The following ERBIN variants were observed in gnomAD, a reference collection of about 807,000 sequenced individuals.
The protein encoded by ERBIN is erbb2 interacting protein, also known as densin-180-like protein.
A neutral mutation model predicts 158.4 loss-of-function variants in ERBIN; 60 were observed. That is an observed-to-expected ratio of 0.38 (90% CI 0.31 to 0.47). ERBIN has a LOEUF of 0.47. Ranked by LOEUF, ERBIN falls within the 20% of genes least tolerant of loss-of-function variation. The pLI is 0.99. For synonymous variants in ERBIN, 594 were observed against 557.2 expected (o/e 1.07, Z -0.93); for missense variants, 1,610 against 1,648.0 (o/e 0.98, Z 0.40).
chr5:65,998,698 A>C (rs75689705), intron 4 of ERBIN, among the ~76,000 whole-genome samples: 6,077 of 151,908 alleles, frequency 0.04, 408 homozygotes, highest in African/African-American at 0.14. Context: ...GGAGTTTGAG[A>C]TCAGCCTGGG....
chr5:65,943,954 A>G (rs1416184245), intron 1 of ERBIN, among the ~76,000 whole-genome samples: 1 of 152,210 alleles, frequency 6.6e-6, no homozygotes, highest in Non-Finnish European at 1.5e-5. Context: ...CTCAAGGTTC[A>G]TCTGTGTTTC....
intron 21 of ERBIN, among the ~76,000 whole-genome samples, chr5:66,063,957 CTCT>C (rs1316163153): frequency 2.0e-5 from 3 of 152,104 alleles, no homozygotes; most frequent in African/African-American, 4.8e-5. Context: ...TATTAATCAT[CTCT>C]TCTTCAGAAA....
At chr5:66,048,464 G>GATA (rs1317493114) in intron 18 of ERBIN, among the ~76,000 whole-genome samples, 1 of 151,916 alleles carries the variant, frequency 6.6e-6, no homozygotes, top group Non-Finnish European at 1.5e-5. Flanking sequence ...GTTTGATTAG[G>GATA]ATAATGGTGC....
chr5:66,010,178 T>G (rs1239232963), intron 4 of ERBIN, among the ~76,000 whole-genome samples: 2 of 152,182 alleles, frequency 1.3e-5, no homozygotes, highest in African/African-American at 4.8e-5. Context: ...TCCTTTGTCG[T>G]TTTTTGACCT....
intron 2 of ERBIN, among the ~76,000 whole-genome samples, chr5:65,991,082 T>G (rs1751825351): frequency 6.6e-6 from 1 of 152,206 alleles, no homozygotes; most frequent in Non-Finnish European, 1.5e-5. Flanking sequence ...TTAAAAAGAT[T>G]GCAAGGGAAA....
intron 17 of ERBIN, among the ~76,000 whole-genome samples, chr5:66,044,994 C>T (rs1045006485): frequency 3.9e-5 from 6 of 151,922 alleles, no homozygotes; most frequent in African/African-American, 1.5e-4. Context: ...GCAGGAGAGT[C>T]ACTGGAGGCC....
At chr5:65,961,710 C>CT (rs903784830) in intron 1 of ERBIN, among the ~76,000 whole-genome samples, 9 of 151,956 alleles carry the variant, frequency 5.9e-5, no homozygotes, top group East Asian at 3.9e-4. Flanking sequence ...CTATTGATGA[C>CT]TTTTTTTTGT....
intron 1 of ERBIN, among the ~76,000 whole-genome samples, chr5:65,948,115 G>T (rs1175322066): frequency 6.6e-6 from 1 of 151,858 alleles, no homozygotes; most frequent in Admixed American, 6.6e-5. Context: ...TTTACAGCAC[G>T]TATTCTATAG....
chr5:66,054,257 A>G lies in ERBIN; in HGVS notation c.2939A>G (p.Gln980Arg). The G allele has an allele frequency of 6.2e-7, 1 of 1,614,088 alleles. No individual in the cohort carries two copies. The highest frequency in any genetic ancestry group is 8.5e-7 in the Non-Finnish European group (1 of 1,179,954). Residue 980 changes from glutamine to arginine, a missense_variant, in exon 21 of 26, where the codon CAA becomes CGA. Gln to Arg is a conservative substitution (Grantham distance 43). Coordinates refer to ENST00000284037, the MANE Select transcript of ERBIN (RefSeq NM_001253697.2). ...QIYGPPQYNI[Q>R]YSSSAAVKDT... ...TATGGTCCTCCACAGTATAATATCC[A>G]ATACAGTAGCAGTGCTGCAGTCAAA...
rs1202554009 is a variant in ERBIN at position 65,983,788 on chromosome 5, AC to A, written c.-57-4839del. 4.6e-5 allele frequency among the ~76,000 whole-genome samples: 7 copies of A among 151,256 alleles called. No individual in the cohort carries two copies. The East Asian group carries it at 5.8e-4, about 13-fold the overall frequency. ...CCAAAGCTTCTCCGCATCTCAGGGC[AC>A]CCCCCCCAACTGTCTGTGGATCTGG... On this transcript the variant is annotated intron_variant, in intron 1 of 25. Transcript: ENST00000284037.
rs200985133 is a variant in ERBIN, at chr5:66,046,529, T to A, written c.1779T>A (p.Asp593Glu). ...ENLKHIVNHDDVFEESEELSS... is the reference protein window; with the variant it reads ...ENLKHIVNHDEVFEESEELSS... ...TGAAGCATATTGTTAACCATGATGA[T>A]GTTTTTGAGGTATGATTTTATGATT... Residue 593 changes from aspartate to glutamate, a missense_variant, in exon 18 of 26, where the codon GAT (aspartate) becomes GAA (glutamate). Around this residue, in one of 2 missense-constraint regions of ERBIN, gnomAD observed 596 missense variants for 711.9 expected, o/e 0.84. Coordinates refer to ENST00000284037, the MANE Select transcript of ERBIN (RefSeq NM_001253697.2). 1.1e-5 allele frequency: 17 copies of A among 1,577,802 alleles called. No homozygotes were observed. The highest frequency in any genetic ancestry group is 1.3e-5 in the Non-Finnish European group (15 of 1,162,228).
chr5:66,062,211 T>A (rs934978206), intron 21 of ERBIN, among the ~76,000 whole-genome samples: 12 of 152,234 alleles, frequency 7.9e-5, no homozygotes, highest in Non-Finnish European at 1.6e-4. Context: ...TTTCACATAG[T>A]CCCATATTTC....
At chr5:65,990,869 T>C (rs1000718461) in intron 2 of ERBIN, among the ~76,000 whole-genome samples, 2 of 151,702 alleles carry the variant, frequency 1.3e-5, no homozygotes, top group Non-Finnish European at 2.9e-5. Flanking sequence ...CAAGCAGTTA[T>C]CCTGCCTCAG....
intron 7 of ERBIN, 88 bp downstream of exon 7, chr5:66,014,813 TGTG>T (rs1754547152): frequency 1.7e-6 from 1 of 602,254 alleles, no homozygotes; most frequent in Non-Finnish European, 2.8e-6. Flanking sequence ...TTACCTAAAA[TGTG>T]GTGCAAATTA....
rs374299444 is a variant in ERBIN, at chr5:65,973,073, T to C, written c.-57-15562T>C. On this transcript the variant is annotated intron_variant, in intron 1 of 25. Transcript: ENST00000284037. ...GTCACATATACACCATGGAATACTATGCAGCCATAAAAAAGGATGAATTCA... is the reference window on the plus strand; with the variant it reads ...GTCACATATACACCATGGAATACTACGCAGCCATAAAAAAGGATGAATTCA... 5.4e-4 allele frequency among the ~76,000 whole-genome samples: 82 copies of C among 151,372 alleles called. 1 individual carries two copies. The East Asian group carries it at 0.014, about 25-fold the overall frequency.
At chr5:65,936,814 A>G (rs956720413) in intron 1 of ERBIN, among the ~76,000 whole-genome samples, 1 of 152,214 alleles carries the variant, frequency 6.6e-6, no homozygotes, top group Non-Finnish European at 1.5e-5. Context: ...CCACAATTCC[A>G]TCTCCCAGAT....
intron 1 of ERBIN, among the ~76,000 whole-genome samples, chr5:65,938,269 A>G (rs1367864964): frequency 6.6e-6 from 1 of 151,924 alleles, no homozygotes; most frequent in Non-Finnish European, 1.5e-5. Context: ...CATGTTTATT[A>G]TCTACTATAG....
intron 22 of ERBIN, among the ~76,000 whole-genome samples, chr5:66,073,509 G>A (rs1483450757): frequency 6.6e-6 from 1 of 152,098 alleles, no homozygotes; most frequent in African/African-American, 2.4e-5. Context: ...GAATACCCAT[G>A]TGTGTTCCTA....
At chr5:66,030,439 T>G (rs1487268555) in intron 14 of ERBIN, among the ~76,000 whole-genome samples, 4 of 152,166 alleles carry the variant, frequency 2.6e-5, no homozygotes, top group African/African-American at 9.7e-5. Flanking sequence ...TTTGAAATTT[T>G]GCGACTAGAT....
Sources: gnomAD v4.1 joint callset for allele counts (sites outside exome capture counted in the v4.1 genomes callset) on GRCh38, gnomAD v4.1.1 for gene constraint, gnomAD v4.1.1 regional missense constraint, MANE v1.5 for transcripts, NCBI Gene and HGNC (gene_info 2026-07-23, HGNC 2026-07-21) for gene names.